The following MGAT4C variants were observed in gnomAD, a reference collection of about 807,000 sequenced individuals.
The protein encoded by MGAT4C is MGAT4 family member C.
MGAT4C carries 19 observed loss-of-function variants against 40.1 expected under a neutral mutation model. That is an observed-to-expected ratio of 0.47 (90% CI 0.33 to 0.70). The LOEUF is 0.70. Among genes scored for constraint, MGAT4C ranks in the 30% least tolerant of loss-of-function variants. MGAT4C has a pLI of 0.02. For missense variants in MGAT4C, 491 were observed against 563.2 expected (o/e 0.87, Z 1.30); for synonymous variants, 181 against 187.1 (o/e 0.97, Z 0.27).
intron 2 of MGAT4C, among the ~76,000 whole-genome samples, chr12:86,647,733 C>T (rs989382362): frequency 1.3e-5 from 2 of 151,800 alleles, no homozygotes; most frequent in African/African-American, 4.8e-5. Context: ...CGACTAAATT[C>T]TACATGTCAA....
At chr12:86,348,137 A>T (rs1248687434) in intron 3 of MGAT4C, among the ~76,000 whole-genome samples, 1 of 152,096 alleles carries the variant, frequency 6.6e-6, no homozygotes, top group African/African-American at 2.4e-5. Context: ...GAATTAAATG[A>T]TTTTTATTTA....
intron 2 of MGAT4C, among the ~76,000 whole-genome samples, chr12:86,677,893 G>T (rs1949897689): frequency 6.6e-6 from 1 of 151,968 alleles, no homozygotes; most frequent in Non-Finnish European, 1.5e-5. Flanking sequence ...AAAGACTATT[G>T]GTCTTCTTTT....
chr12:86,160,711 T>C (rs990058555), intron 1 of MGAT4C, among the ~76,000 whole-genome samples: 12 of 152,030 alleles, frequency 7.9e-5, no homozygotes, highest in African/African-American at 2.9e-4. Flanking sequence ...GTTTTCTAAG[T>C]CTTTATAGGC....
intron 1 of MGAT4C, among the ~76,000 whole-genome samples, chr12:86,837,232 C>G (rs11104120): frequency 0.35 from 52,397 of 151,836 alleles, 10,053 homozygotes; most frequent in Admixed American, 0.47. Flanking sequence ...AATTTAAGGC[C>G]CTGTTCCTCA....
chr12:86,287,420 T>A (rs1484721135), intron 4 of MGAT4C, among the ~76,000 whole-genome samples: 2 of 151,892 alleles, frequency 1.3e-5, no homozygotes, highest in Admixed American at 6.6e-5. Flanking sequence ...GTTTGTTACA[T>A]AGGTATAAAC....
At chr12:86,143,461 G>C (rs1883121557) in intron 1 of MGAT4C, among the ~76,000 whole-genome samples, 1 of 152,126 alleles carries the variant, frequency 6.6e-6, no homozygotes, top group Admixed American at 6.5e-5. Context: ...ATAAACAACA[G>C]TCTATGACAA....
intron 2 of MGAT4C, among the ~76,000 whole-genome samples, chr12:86,483,193 A>G (rs1388095747): frequency 1.3e-5 from 2 of 152,200 alleles, no homozygotes; most frequent in Admixed American, 1.3e-4. Context: ...AGTCCTGTTC[A>G]TGAGGGTAGT....
chr12:86,279,102 A>C (rs944838216), intron 4 of MGAT4C, among the ~76,000 whole-genome samples: 3 of 150,610 alleles, frequency 2.0e-5, no homozygotes, highest in African/African-American at 7.3e-5. Context: ...CTGTAGTTTT[A>C]TTTCTTTTCT....
intron 3 of MGAT4C, among the ~76,000 whole-genome samples, chr12:86,381,449 G>A (rs1256743185): frequency 1.3e-5 from 2 of 152,152 alleles, no homozygotes; most frequent in Non-Finnish European, 2.9e-5. Context: ...AAAGGCCTGT[G>A]AGCCTGGGGT....
chr12:86,797,208 T>G (rs1952139620), intron 1 of MGAT4C, among the ~76,000 whole-genome samples: 1 of 151,932 alleles, frequency 6.6e-6, no homozygotes, highest in Non-Finnish European at 1.5e-5. Flanking sequence ...CCCTTTTGTT[T>G]ATTGCCTTCT....
At chr12:86,684,955 A>G (rs1593113049) in intron 2 of MGAT4C, among the ~76,000 whole-genome samples, 1 of 152,122 alleles carries the variant, frequency 6.6e-6, no homozygotes, top group East Asian at 1.9e-4. Context: ...AGATGGATAG[A>G]TTGCAAAAAT....
At chr12:86,172,298 T>C (rs960321212) in intron 1 of MGAT4C, among the ~76,000 whole-genome samples, 26 of 152,134 alleles carry the variant, frequency 1.7e-4, no homozygotes, top group African/African-American at 5.8e-4. Flanking sequence ...CCAAGCTAAA[T>C]TTCTTCATCT....
chr12:86,337,590 A>C (rs1954817209), intron 3 of MGAT4C, among the ~76,000 whole-genome samples: 2 of 151,478 alleles, frequency 1.3e-5, no homozygotes, highest in South Asian at 4.2e-4. Flanking sequence ...TTGTCTCAAA[A>C]AAAAAAAAAA....
intron 2 of MGAT4C, among the ~76,000 whole-genome samples, chr12:86,043,176 T>A (rs1173397242): frequency 6.6e-6 from 1 of 152,162 alleles, no homozygotes; most frequent in Non-Finnish European, 1.5e-5. Context: ...TTAGGGTTCC[T>A]AGAGAGACAG....
chr12:86,562,426 A>G (rs1352328558), intron 2 of MGAT4C, among the ~76,000 whole-genome samples: 1 of 152,030 alleles, frequency 6.6e-6, no homozygotes, highest in Non-Finnish European at 1.5e-5. Context: ...CTGAGCTCCT[A>G]AATTCTGAGG....
chr12:86,368,127 T>A (rs10776967), intron 3 of MGAT4C, among the ~76,000 whole-genome samples: 1 of 152,018 alleles, frequency 6.6e-6, no homozygotes, highest in Non-Finnish European at 1.5e-5. Context: ...TAATATGGGG[T>A]AAATTAGGAA....
chr12:86,159,389 T>G (rs972223295), intron 1 of MGAT4C, among the ~76,000 whole-genome samples: 33 of 151,748 alleles, frequency 2.2e-4, no homozygotes, highest in African/African-American at 8.0e-4. Context: ...TCATGCTGTA[T>G]TAACATTTTG....
At chr12:86,211,947 G>A (rs1035357919) in intron 1 of MGAT4C, among the ~76,000 whole-genome samples, 2 of 152,128 alleles carry the variant, frequency 1.3e-5, no homozygotes, top group Admixed American at 1.3e-4. Flanking sequence ...TTTTGGAGCT[G>A]CTGGACAGCT....
chr12:86,737,959 C>T (rs1033105269), intron 1 of MGAT4C, among the ~76,000 whole-genome samples: 1 of 151,496 alleles, frequency 6.6e-6, no homozygotes, highest in Non-Finnish European at 1.5e-5. Flanking sequence ...TAAAAAGAAG[C>T]CAGAGTGACC....
Sources: gnomAD v4.1 joint callset for allele counts (sites outside exome capture counted in the v4.1 genomes callset) on GRCh38, gnomAD v4.1.1 for gene constraint, MANE v1.5 for transcripts, NCBI Gene and HGNC (gene_info 2026-07-23, HGNC 2026-07-21) for gene names.